Variants in UBR1 observed in about 807,000 individuals in gnomAD.
UBR1 encodes the protein E3 ubiquitin-protein ligase UBR1.
UBR1 carries 102 observed loss-of-function variants against 242.1 expected under a neutral mutation model. The ratio of observed to expected loss-of-function variants is 0.42; its 90% CI spans 0.36 to 0.50. UBR1 has a LOEUF of 0.50. Ranked by LOEUF, UBR1 falls within the 20% of genes least tolerant of loss-of-function variation. The pLI, the probability that UBR1 is intolerant of heterozygous loss-of-function variation, is 0.01. For synonymous variants in UBR1, 675 were observed against 684.8 expected, an observed-to-expected ratio of 0.99 and a Z score of 0.22; for missense variants, 1,772 against 2,101.8, an observed-to-expected ratio of 0.84 and a Z score of 3.07.
At chr15:43,010,593 A>G (rs1350400509) in intron 29 of UBR1, among the ~76,000 whole-genome samples, 2 of 152,112 alleles carry the variant, frequency 1.3e-5, no homozygotes, top group East Asian at 3.9e-4. Context: ...TCTGAGGAGG[A>G]GCAGAAAGAA....
chr15:43,003,833 T>G lies in UBR1; in HGVS notation c.3509+4A>C. 1 of 1,613,826 alleles carries G rather than the reference T, an allele frequency of 6.2e-7. No individual in the cohort carries two copies. Among genetic ancestry groups the G allele is most frequent in the Non-Finnish European group, 8.5e-7 (1 of 1,179,784 alleles). On this transcript the variant is annotated splice_donor_region_variant and intron_variant, in intron 31 of 46. Transcript: ENST00000290650. ...TTCAAGAACATGTCAGAAGGACAAC[T>G]TACTTCTGCCAGCACACTGCGTGCA...
chr15:43,005,531 G>C (rs2032808677), intron 30 of UBR1, among the ~76,000 whole-genome samples: 1 of 152,134 alleles, frequency 6.6e-6, no homozygotes, highest in South Asian at 2.1e-4. Flanking sequence ...CCTCTGTCCA[G>C]CCACCCCGTC....
intron 32 of UBR1, among the ~76,000 whole-genome samples, chr15:43,000,310 G>A (rs1180218516): frequency 1.3e-5 from 2 of 152,174 alleles, no homozygotes; most frequent in African/African-American, 4.8e-5. Flanking sequence ...CCTTTAACTA[G>A]TTCTAAGAGT....
chr15:42,995,493 A>G (rs2032623224), intron 33 of UBR1, among the ~76,000 whole-genome samples: 1 of 150,728 alleles, frequency 6.6e-6, no homozygotes, highest in African/African-American at 2.4e-5. Flanking sequence ...CCCCGTCTCT[A>G]CTAAAAATAC....
chr15:43,070,906 T>G lies in UBR1; in HGVS notation c.548A>C (p.Asn183Thr). The change falls in exon 5 of 47, where the codon AAT becomes ACT. Residue 183 changes from asparagine (N) to threonine (T), a missense_variant. This residue lies in a region of UBR1 where 734 missense variants were observed against 893.3 expected (regional missense o/e 0.82). Transcript: ENST00000290650. Reference sequence around the variant, plus strand: ...CCTGGCTTGGACAATTACCTCTTCATTCAACGGACAGCGTGAATTCTATAA... The same window carrying G: ...CCTGGCTTGGACAATTACCTCTTCAGTCAACGGACAGCGTGAATTCTATAA... The part of the protein sequence containing the change: ...TIKENSRCPL[N>T]EEVIVQARKI... The G allele has an allele frequency of 6.2e-7, 1 of 1,613,564 alleles. No individual in the cohort carries two copies. The highest frequency in any genetic ancestry group is 2.2e-5 in the East Asian group (1 of 44,850).
rs780806787 is a variant in UBR1, at chr15:43,106,011, C to T, written c.12G>A (p.Glu4=). ...CCATCCTCTCAGTACCTCCAGCCTC[C>T]TCGTCCGCCATCTTGAGGGAAACTG... The part of the protein sequence containing the change: MAD[E]EAGGTERMEI... The change falls in exon 1 of 47, where the codon GAG becomes GAA. Residue 4 remains glutamate (E), a synonymous_variant. Coordinates refer to ENST00000290650, the MANE Select transcript of UBR1 (RefSeq NM_174916.3). 2 of 1,612,954 alleles carry T rather than the reference C, an allele frequency of 1.2e-6. No individual in the cohort carries two copies.
intron 8 of UBR1, 93 bp downstream of exon 8, chr15:43,059,609 A>G (rs2033658948): frequency 6.9e-7 from 1 of 1,451,076 alleles, no homozygotes. Context: ...AAAAAAGAAA[A>G]ACTTTATTTC....
intron 15 of UBR1, among the ~76,000 whole-genome samples, chr15:43,042,827 G>A (rs1644317860): frequency 6.6e-6 from 1 of 152,144 alleles, no homozygotes; most frequent in Non-Finnish European, 1.5e-5. Flanking sequence ...TGATTAAGGA[G>A]AATCTATGAT....
At chr15:43,092,090 CA>C (rs776464924) in intron 1 of UBR1, 2 of 434,166 alleles carry the variant, frequency 4.6e-6, no homozygotes, top group South Asian at 1.6e-5. Flanking sequence ...TCTCAAAAAA[CA>C]AAACAAATTA....
intron 27 of UBR1, among the ~76,000 whole-genome samples, chr15:43,019,769 T>A (rs1477192450): frequency 2.0e-5 from 3 of 149,700 alleles, no homozygotes; most frequent in African/African-American, 7.3e-5. Flanking sequence ...TAATTTTTTT[T>A]TTTTTTTTGT....
At chr15:42,957,937 T>G (rs1261683497) in intron 44 of UBR1, 76 bp downstream of exon 44, 1 of 1,213,180 alleles carries the variant, frequency 8.2e-7, no homozygotes, top group African/African-American at 1.5e-5. Context: ...GGAAGTGTGT[T>G]AGTTATGGCA....
intron 36 of UBR1, 40 bp downstream of exon 36, chr15:42,984,847 C>A: frequency 6.5e-7 from 1 of 1,543,112 alleles, no homozygotes; most frequent in Non-Finnish European, 8.9e-7. Context: ...GGAAAAAAGG[C>A]ATGCCATGAG....
intron 30 of UBR1, among the ~76,000 whole-genome samples, chr15:43,005,853 G>A (rs921244883): frequency 2.1e-4 from 32 of 149,306 alleles, no homozygotes; most frequent in Non-Finnish European, 4.2e-4. Flanking sequence ...TAAGGGCGGG[G>A]CAAGATGTGC....
intron 10 of UBR1, among the ~76,000 whole-genome samples, chr15:43,057,796 C>A (rs1236989854): frequency 6.6e-6 from 1 of 152,176 alleles, no homozygotes; most frequent in Non-Finnish European, 1.5e-5. Context: ...AATGTGATAA[C>A]CTCCCTTTGC....
intron 37 of UBR1, among the ~76,000 whole-genome samples, chr15:42,980,813 G>A (rs1226764242): frequency 2.6e-5 from 4 of 152,142 alleles, no homozygotes; most frequent in Non-Finnish European, 5.9e-5. Flanking sequence ...TGTTGCCCAG[G>A]CTGGTCTCGA....
chr15:43,005,179 C>A (rs1355113108), intron 30 of UBR1, among the ~76,000 whole-genome samples: 1 of 151,640 alleles, frequency 6.6e-6, no homozygotes, highest in East Asian at 2.0e-4. Context: ...CCCCTCCGCC[C>A]AGCAGCCGCC....
In UBR1 at chr15:43,026,589, T is replaced by TA; in HGVS notation, c.2506dup (p.Tyr836LeufsTer9). The TA allele has an allele frequency of 6.2e-7, 1 of 1,613,374 alleles. No homozygotes were observed. The stretch of plus-strand genomic sequence containing the variant: ...GCTATGCTGGGTTTTGGAGTAATGA[T>TA]AAAAGTACATATTGAAGTCTTTCAG... On this transcript the variant is annotated frameshift_variant, in exon 23 of 47. Coordinates refer to ENST00000290650, the MANE Select transcript of UBR1 (RefSeq NM_174916.3). LOFTEE classifies it high-confidence loss of function.
chr15:43,072,745 T>C (rs1378518724), intron 4 of UBR1, among the ~76,000 whole-genome samples: 1 of 152,224 alleles, frequency 6.6e-6, no homozygotes, highest in Non-Finnish European at 1.5e-5. Context: ...TACTGGATTT[T>C]GTCAAATGTT....
intron 15 of UBR1, among the ~76,000 whole-genome samples, chr15:43,039,833 A>T (rs1271091669): frequency 6.6e-6 from 1 of 152,050 alleles, no homozygotes; most frequent in Admixed American, 6.5e-5. Flanking sequence ...AATAGCTCTT[A>T]TTATTTTGAG....
Sources: allele counts gnomAD v4.1 joint callset (sites outside exome capture counted in the v4.1 genomes callset), GRCh38; gene constraint gnomAD v4.1.1; regional missense constraint gnomAD v4.1.1; transcripts MANE v1.5; gene names NCBI Gene and HGNC (gene_info 2026-07-23, HGNC 2026-07-21).